The following GALNT17 variants were observed in gnomAD, a reference collection of about 807,000 sequenced individuals.
The protein encoded by GALNT17 is polypeptide N-acetylgalactosaminyltransferase 17.
A neutral mutation model predicts 63.7 loss-of-function variants in GALNT17; 29 were observed. The observed-to-expected ratio is 0.46, with a 90% CI of 0.34 to 0.62. The LOEUF is 0.62. GALNT17 is among the 20% of genes least tolerant of loss of function. GALNT17 has a pLI of 0.01. For missense variants in GALNT17, 603 were observed against 799.6 expected, an observed-to-expected ratio of 0.75 and a Z score of 2.97; for synonymous variants, 305 against 318.3, an observed-to-expected ratio of 0.96 and a Z score of 0.45.
intron 1 of GALNT17, among the ~76,000 whole-genome samples, chr7:71,171,820 G>A (rs1016444595): frequency 2.1e-4 from 32 of 152,294 alleles, no homozygotes; most frequent in African/African-American, 7.7e-4. Flanking sequence ...GATCACATTT[G>A]TAAAGAGATG....
chr7:71,530,102 A>G (rs965511076), intron 5 of GALNT17, among the ~76,000 whole-genome samples: 3 of 152,276 alleles, frequency 2.0e-5, no homozygotes, highest in Non-Finnish European at 2.9e-5. Context: ...GTGTCTGGCT[A>G]CTCATCCTTT....
chr7:71,187,952 C>T (rs997983632), intron 1 of GALNT17, among the ~76,000 whole-genome samples: 8 of 152,180 alleles, frequency 5.3e-5, no homozygotes, highest in African/African-American at 1.7e-4. Context: ...TTAGCTCCCA[C>T]ATATGCGTGA....
At chr7:71,138,266 A>G (rs1012860660) in intron 1 of GALNT17, among the ~76,000 whole-genome samples, 3 of 152,104 alleles carry the variant, frequency 2.0e-5, no homozygotes, top group Admixed American at 2.0e-4. Context: ...TGAGCCTAGG[A>G]GTTCGAGGCT....
chr7:71,468,459 C>T (rs1288013254), intron 5 of GALNT17, among the ~76,000 whole-genome samples: 2 of 151,724 alleles, frequency 1.3e-5, no homozygotes, highest in African/African-American at 4.8e-5. Flanking sequence ...TTCTGTTGCC[C>T]AGGCTGGAGT....
At chr7:71,367,407 C>G (rs1002069328) in intron 2 of GALNT17, among the ~76,000 whole-genome samples, 9 of 152,192 alleles carry the variant, frequency 5.9e-5, no homozygotes, top group African/African-American at 2.2e-4. Flanking sequence ...AGGGGACAGT[C>G]TGGACCACTG....
chr7:71,285,299 C>G (rs1225964563), intron 1 of GALNT17, among the ~76,000 whole-genome samples: 1 of 152,112 alleles, frequency 6.6e-6, no homozygotes, highest in Non-Finnish European at 1.5e-5. Context: ...GTAATTCATT[C>G]CTTCTTCCAG....
chr7:71,347,235 A>C (rs1792112351), intron 2 of GALNT17, among the ~76,000 whole-genome samples: 1 of 152,174 alleles, frequency 6.6e-6, no homozygotes. Flanking sequence ...TTATACGTGA[A>C]GGTTAAGAGC....
chr7:71,200,911 C>T (rs1018189140), intron 1 of GALNT17, among the ~76,000 whole-genome samples: 30 of 151,670 alleles, frequency 2.0e-4, no homozygotes, highest in Admixed American at 9.2e-4. Flanking sequence ...TAATTACTTA[C>T]GTACATTTAT....
At chr7:71,258,777 T>C (rs1411816237) in intron 1 of GALNT17, among the ~76,000 whole-genome samples, 1 of 152,034 alleles carries the variant, frequency 6.6e-6, no homozygotes, top group Non-Finnish European at 1.5e-5. Context: ...CACAGAAACC[T>C]GGAAAAAAAC....
intron 6 of GALNT17, among the ~76,000 whole-genome samples, chr7:71,594,896 G>T (rs1272917066): frequency 1.3e-5 from 2 of 152,206 alleles, no homozygotes; most frequent in Non-Finnish European, 2.9e-5. Context: ...TACCCCTGGT[G>T]CTTGTGGACA....
intron 1 of GALNT17, among the ~76,000 whole-genome samples, chr7:71,142,192 G>A (rs1429744951): frequency 2.6e-5 from 4 of 152,134 alleles, no homozygotes; most frequent in African/African-American, 9.7e-5. Context: ...TTCTTGAATG[G>A]ATGCATGGAC....
chr7:71,252,302 G>A (rs555410250), intron 1 of GALNT17, among the ~76,000 whole-genome samples: 19 of 151,628 alleles, frequency 1.3e-4, no homozygotes, highest in Non-Finnish European at 2.1e-4. Context: ...TGAGGCAGGC[G>A]GATCACAAGG....
intron 1 of GALNT17, among the ~76,000 whole-genome samples, chr7:71,324,538 A>G (rs1182676831): frequency 6.6e-6 from 1 of 152,142 alleles, no homozygotes; most frequent in Non-Finnish European, 1.5e-5. Flanking sequence ...TATGCCTGTA[A>G]TCCCAGCTAC....
At chr7:71,439,875 A>C (rs928113297) in intron 5 of GALNT17, among the ~76,000 whole-genome samples, 1 of 151,358 alleles carries the variant, frequency 6.6e-6, no homozygotes, top group Non-Finnish European at 1.5e-5. Context: ...GGTAGGCTCC[A>C]GCTCTTATTT....
chr7:71,302,325 C>T (rs1791215907), intron 1 of GALNT17, among the ~76,000 whole-genome samples: 1 of 152,198 alleles, frequency 6.6e-6, no homozygotes. Flanking sequence ...CAAACCTGCA[C>T]ATCCTGTGCG....
At chr7:71,690,217 G>A (rs552352487) in intron 9 of GALNT17, among the ~76,000 whole-genome samples, 1 of 152,020 alleles carries the variant, frequency 6.6e-6, no homozygotes, top group African/African-American at 2.4e-5. Context: ...TAGAGACAGG[G>A]TTTCCACCAT....
chr7:71,498,464 AAAAT>A (rs1014390339), intron 5 of GALNT17, among the ~76,000 whole-genome samples: 17 of 152,280 alleles, frequency 1.1e-4, no homozygotes, highest in African/African-American at 2.6e-4. Flanking sequence ...CTGTCTCAAA[AAAAT>A]AAATAAAAGC....
At chr7:71,404,703 G>T in intron 3 of GALNT17, among the ~76,000 whole-genome samples, 1 of 152,180 alleles carries the variant, frequency 6.6e-6, no homozygotes, top group Admixed American at 6.5e-5. Flanking sequence ...CACCATATAT[G>T]TGGCTCCTGT....
At chr7:71,221,322 A>T (rs149191499) in intron 1 of GALNT17, among the ~76,000 whole-genome samples, 2 of 149,878 alleles carry the variant, frequency 1.3e-5, no homozygotes, top group African/African-American at 4.9e-5. Context: ...TCTTTATCCA[A>T]TCTGTCATTG....
Sources: allele counts gnomAD v4.1 joint callset (sites outside exome capture counted in the v4.1 genomes callset), GRCh38; gene constraint gnomAD v4.1.1; transcripts MANE v1.5; gene names NCBI Gene and HGNC (gene_info 2026-07-23, HGNC 2026-07-21).